The following ATXN2 variants were observed in gnomAD, a reference collection of about 807,000 sequenced individuals.
ATXN2 encodes ataxin 2, also known as ataxin-2.
Under a neutral mutation model 138.6 loss-of-function variants are expected in ATXN2, and 37 were observed. The ratio of observed to expected loss-of-function variants is 0.27; its 90% CI spans 0.21 to 0.35. The LOEUF is 0.35. ATXN2 is among the 10% of genes least tolerant of loss of function. ATXN2 has a pLI of 1.00. For synonymous variants in ATXN2, 549 were observed against 543.7 expected, an observed-to-expected ratio of 1.01 and a Z score of -0.13; for missense variants, 1,216 against 1,480.3, an observed-to-expected ratio of 0.82 and a Z score of 2.93.
At chr12:111,456,831 TCCG>T (rs1471926155) in intron 22 of ATXN2, among the ~76,000 whole-genome samples, 1 of 152,128 alleles carries the variant, frequency 6.6e-6, no homozygotes, top group Non-Finnish European at 1.5e-5. Flanking sequence ...CACTGCAAGC[TCCG>T]CCTCCCGGGT....
intron 5 of ATXN2, among the ~76,000 whole-genome samples, chr12:111,550,480 A>G (rs1203815758): frequency 6.6e-6 from 1 of 152,156 alleles, no homozygotes; most frequent in African/African-American, 2.4e-5. Flanking sequence ...GTTGTGGCCA[A>G]TACTCTTTCC....
At position 111,516,482 on chromosome 12, in the gene ATXN2, AG is replaced by A; in HGVS notation, c.1166-120del. On this transcript the variant is annotated intron_variant, in intron 9 of 24. Transcript: ENST00000673436. The surrounding 1 kb of genome is among the most constrained non-coding windows in gnomAD (Gnocchi z 5.0). ...ATTTCTTGTACATTTTAACCCTTTG[AG>A]GACAGTCATTTGATTTGTGATAAGT... is the stretch of plus-strand genomic sequence containing the variant. 1.1e-6 allele frequency: 1 copy of A among 948,780 alleles called. No homozygotes were observed. Among genetic ancestry groups the A allele is most frequent in the African/African-American group, 1.7e-5 (1 of 59,310 alleles). 58.8% of individuals were successfully genotyped at this position (948,780 alleles called of 1,614,324 possible). A position where few individuals can be genotyped will look rare whatever the true frequency, so the allele number is the denominator to read the frequency against.
At chr12:111,482,325 G>A (rs1423206189) in intron 18 of ATXN2, among the ~76,000 whole-genome samples, 1 of 151,484 alleles carries the variant, frequency 6.6e-6, no homozygotes, top group Non-Finnish European at 1.5e-5. Context: ...CTCCCGAGTA[G>A]CTGGGACTAT....
intron 16 of ATXN2, 140 bp from the exon 17 acceptor site, chr12:111,486,005 T>C: frequency 2.9e-6 from 2 of 688,598 alleles, no homozygotes; most frequent in Non-Finnish European, 4.2e-6. Flanking sequence ...ACACAGCACA[T>C]AAATTTTCAC....
chr12:111,562,285 A>G (rs1030052919), intron 1 of ATXN2, among the ~76,000 whole-genome samples: 1 of 152,060 alleles, frequency 6.6e-6, no homozygotes, highest in South Asian at 2.1e-4. Context: ...GTTTTAAAAA[A>G]CAGTCAGGTG....
At chr12:111,571,948 G>A (rs1883338279) in intron 1 of ATXN2, among the ~76,000 whole-genome samples, 1 of 150,630 alleles carries the variant, frequency 6.6e-6, no homozygotes, top group Middle Eastern at 3.4e-3. Context: ...GGAGGCAGAG[G>A]TTGCAGTGAG....
intron 1 of ATXN2, among the ~76,000 whole-genome samples, chr12:111,575,913 C>CT (rs1048027964): frequency 2.0e-5 from 3 of 152,010 alleles, no homozygotes; most frequent in African/African-American, 7.2e-5. Context: ...GAAACCCTGT[C>CT]TCTACTAAAA....
chr12:111,581,884 C>T (rs538431677), intron 1 of ATXN2: 2 of 256,028 alleles, frequency 7.8e-6, no homozygotes, highest in African/African-American at 4.5e-5. Flanking sequence ...AGTTCTCTAT[C>T]AGCCGTTTAT....
chr12:111,562,280 A>T (rs1364463486), intron 1 of ATXN2, among the ~76,000 whole-genome samples: 2 of 152,070 alleles, frequency 1.3e-5, no homozygotes, highest in Non-Finnish European at 2.9e-5. Context: ...AAATAGTTTT[A>T]AAAAACAGTC....
At chr12:111,541,980 C>T (rs980321229) in intron 5 of ATXN2, among the ~76,000 whole-genome samples, 2 of 148,992 alleles carry the variant, frequency 1.3e-5, no homozygotes, top group Non-Finnish European at 3.0e-5. Context: ...GTTGGCCAGG[C>T]TGGTCTCAAA....
intron 18 of ATXN2, among the ~76,000 whole-genome samples, chr12:111,484,491 G>A (rs577668226): frequency 3.0e-4 from 46 of 152,230 alleles, no homozygotes; most frequent in Admixed American, 2.9e-3. Flanking sequence ...GAAGTGCAGT[G>A]GCACGATCTT....
Position 111,552,083 on chromosome 12 carries a change from G to T in ATXN2, c.571+197C>A, listed in dbSNP as rs547412827. Among the ~76,000 whole-genome samples, 1 of 152,208 alleles carries T rather than the reference G, an allele frequency of 6.6e-6. No homozygotes were observed. The highest frequency in any genetic ancestry group is 2.4e-5 in the African/African-American group (1 of 41,522). On this transcript the variant is annotated intron_variant, in intron 5 of 24. Coordinates refer to ENST00000673436, the MANE Select transcript of ATXN2 (RefSeq NM_001372574.1). This position sits in a 1 kb window ranked among gnomAD's most constrained non-coding sequence, Gnocchi z 4.1. ...TTTAGTAGAGACGGGGTTTCGCCAT[G>T]TTGGCCAGGCTGGTCTCGAACTCCT... is the stretch of plus-strand genomic sequence containing the variant.
chr12:111,546,985 G>T (rs1052233390), intron 5 of ATXN2, among the ~76,000 whole-genome samples: 2 of 152,172 alleles, frequency 1.3e-5, no homozygotes, highest in Admixed American at 1.3e-4. Context: ...GAGACCAAAG[G>T]AAACTTATTC....
chr12:111,482,442 C>T (rs988074337), intron 18 of ATXN2, among the ~76,000 whole-genome samples: 2 of 151,954 alleles, frequency 1.3e-5, no homozygotes, highest in African/African-American at 4.8e-5. Context: ...GATCTGCCCA[C>T]CTCGGCCTCC....
chr12:111,536,840 G>C (rs2135763012), intron 5 of ATXN2, among the ~76,000 whole-genome samples: 1 of 141,300 alleles, frequency 7.1e-6, no homozygotes, highest in Admixed American at 7.6e-5. Flanking sequence ...CTGGAGTGCA[G>C]TGGCGTGATC....
At chr12:111,513,126 C>G in intron 11 of ATXN2, 1 of 487,498 alleles carries the variant, frequency 2.1e-6, no homozygotes, top group Non-Finnish European at 3.6e-6. Context: ...ATTATTAACA[C>G]TTTACTCACT....
At chr12:111,593,260 A>G (rs1287827663) in intron 1 of ATXN2, among the ~76,000 whole-genome samples, 1 of 151,824 alleles carries the variant, frequency 6.6e-6, no homozygotes, top group East Asian at 1.9e-4. Flanking sequence ...TGCCCGGCTA[A>G]TTTTTGTATT....
At chr12:111,506,815 C>T (rs1333293976) in intron 14 of ATXN2, among the ~76,000 whole-genome samples, 6 of 152,156 alleles carry the variant, frequency 3.9e-5, no homozygotes, top group South Asian at 2.1e-4. Flanking sequence ...AGGCCCGCGC[C>T]GCCACGCCTG....
chr12:111,535,671 G>A (rs904348011), intron 5 of ATXN2, among the ~76,000 whole-genome samples: 4 of 151,492 alleles, frequency 2.6e-5, no homozygotes, highest in African/African-American at 7.3e-5. Flanking sequence ...CTAACACACA[G>A]AACATGCCAG....
Sources: allele counts gnomAD v4.1 joint callset (sites outside exome capture counted in the v4.1 genomes callset), GRCh38; gene constraint gnomAD v4.1.1; non-coding constraint Gnocchi (gnomAD v3.1); transcripts MANE v1.5; gene names NCBI Gene and HGNC (gene_info 2026-07-23, HGNC 2026-07-21).